The following KIF20B variants were observed in gnomAD, a reference collection of about 807,000 sequenced individuals.
The protein encoded by KIF20B is kinesin-like protein KIF20B.
KIF20B carries 188 observed loss-of-function variants against 232.5 expected under a neutral mutation model. The ratio of observed to expected loss-of-function variants is 0.81; its 90% CI spans 0.72 to 0.91. The LOEUF (loss-of-function observed/expected upper bound fraction) is 0.91. KIF20B is among the 40% of genes least tolerant of loss of function. KIF20B has a pLI of 0.00. For synonymous variants in KIF20B, 712 were observed against 683.0 expected (o/e 1.04, Z -0.66); for missense variants, 2,154 against 2,055.9 (o/e 1.05, Z -0.92).
intron 19 of KIF20B, among the ~76,000 whole-genome samples, chr10:89,734,929 C>G (rs183340527): frequency 2.3e-3 from 348 of 152,228 alleles, no homozygotes; most frequent in African/African-American, 7.9e-3. Flanking sequence ...AAATAATACC[C>G]CAGAACACTA....
rs75405904 is a variant in KIF20B at position 89,771,887 on chromosome 10, A to G, written c.5243-802A>G. 4.7e-4 allele frequency among the ~76,000 whole-genome samples: 71 copies of G among 152,050 alleles called. No homozygotes were observed. In the East Asian group the frequency reaches 0.012, roughly 26 times the overall value. On this transcript the variant is annotated intron_variant, in intron 31 of 32. Transcript: ENST00000371728. ...TTCTCAGGTTTAGTCTCTCGCATAT[A>G]CTGTTGAAATAAGTGGTTAAAAAGC...
At chr10:89,702,506 A>G (rs1240984380) in intron 1 of KIF20B, among the ~76,000 whole-genome samples, 1 of 152,222 alleles carries the variant, frequency 6.6e-6, no homozygotes, top group African/African-American at 2.4e-5. Context: ...CAGATTTTAA[A>G]TTGTAAAAAT....
At chr10:89,772,410 A>G (rs1446717320) in intron 31 of KIF20B, among the ~76,000 whole-genome samples, 1 of 152,076 alleles carries the variant, frequency 6.6e-6, no homozygotes. Flanking sequence ...CAAGTCATTA[A>G]AGATGCCTGA....
At position 89,768,375 on chromosome 10, in the gene KIF20B, TCAAA is replaced by T. The variant is rs1268999003; in HGVS notation, c.5076_5079del (p.Lys1693ArgfsTer23). 1 of 1,574,998 alleles carries T rather than the reference TCAAA, an allele frequency of 6.3e-7. No homozygotes were observed. Among genetic ancestry groups the T allele is most frequent in the South Asian group, 1.2e-5 (1 of 86,658 alleles). On this transcript the variant is annotated frameshift_variant, in exon 30 of 33. Coordinates refer to ENST00000371728, the MANE Select transcript of KIF20B (RefSeq NM_001284259.2). LOFTEE classifies it high-confidence loss of function. ...ATTTCAGATGATAGAAATTCTTCTG[TCAAA>T]AAGGAACAAAAGGTGTGTCTTTTAA...
intron 26 of KIF20B, among the ~76,000 whole-genome samples, chr10:89,755,726 T>G (rs1842107659): frequency 6.6e-6 from 1 of 151,980 alleles, no homozygotes; most frequent in Non-Finnish European, 1.5e-5. Context: ...CCCAAGTAAC[T>G]GGGACTACAG....
intron 15 of KIF20B, among the ~76,000 whole-genome samples, chr10:89,725,766 T>C (rs1021133937): frequency 7.9e-5 from 12 of 152,180 alleles, no homozygotes. Flanking sequence ...ATAAGAAAAA[T>C]TATCCTTTTC....
chr10:89,760,409 A>C (rs574498405), intron 27 of KIF20B, 117 bp from the exon 28 acceptor site: 1 of 645,274 alleles, frequency 1.5e-6, no homozygotes, highest in Non-Finnish European at 2.7e-6. Context: ...GTCTTTACTT[A>C]GTAATTTCCA....
chr10:89,762,034 T>C (rs1407057704), intron 28 of KIF20B, among the ~76,000 whole-genome samples: 1 of 152,168 alleles, frequency 6.6e-6, no homozygotes, highest in Non-Finnish European at 1.5e-5. Context: ...TGGACTTAAT[T>C]TGTGGTCTCT....
chr10:89,765,281 C>T (rs866350360), intron 29 of KIF20B, among the ~76,000 whole-genome samples: 6 of 152,090 alleles, frequency 3.9e-5, no homozygotes, highest in African/African-American at 1.4e-4. Flanking sequence ...AACTCCCATT[C>T]GCAATTGCTT....
At position 89,709,501 on chromosome 10, in the gene KIF20B, A is replaced by G. The variant is rs750093147; in HGVS notation, c.351+40A>G. 5.9e-6 allele frequency: 8 copies of G among 1,358,170 alleles called. 1 individual carries two copies. Among genetic ancestry groups the G allele is most frequent in the Admixed American group, 3.5e-5 (2 of 57,700 alleles). The allele number at this position is 1,358,170 out of a possible 1,614,324, so 84.1% of individuals were successfully genotyped here. On this transcript the variant is annotated intron_variant, in intron 4 of 32. Transcript: ENST00000371728. Reference sequence around the variant, plus strand: ...TTTTTGTTTTTTGTTTTAAAGATAAAGAGACTTGGCTTAGGCTAAATTGCT... The same window carrying G: ...TTTTTGTTTTTTGTTTTAAAGATAAGGAGACTTGGCTTAGGCTAAATTGCT...
Position 89,725,562 on chromosome 10 carries a change from G to A in KIF20B, c.2001+404G>A, listed in dbSNP as rs189960088. On this transcript the variant is annotated intron_variant, in intron 15 of 32. Coordinates refer to ENST00000371728, the MANE Select transcript of KIF20B (RefSeq NM_001284259.2). Reference sequence around the variant, plus strand: ...ATGTATAAAAAGGGTTGCCCTTGCCGGGCAACTACCGTTTCTTACTCTTTT... The same window carrying A: ...ATGTATAAAAAGGGTTGCCCTTGCCAGGCAACTACCGTTTCTTACTCTTTT... Among the ~76,000 whole-genome samples the A allele has an allele frequency of 4.8e-3, 737 of 152,108 alleles. 3 individuals are homozygous for A. Among genetic ancestry groups the A allele is most frequent in the South Asian group, 7.1e-3 (34 of 4,816 alleles).
intron 6 of KIF20B, among the ~76,000 whole-genome samples, chr10:89,713,590 A>G (rs754130556): frequency 9.9e-5 from 15 of 152,140 alleles, no homozygotes; most frequent in Non-Finnish European, 1.8e-4. Context: ...AAATGGGTTT[A>G]TTTCTATTTC....
In KIF20B at chr10:89,727,767, C is replaced by T. The variant is rs370902858; in HGVS notation, c.2231-89C>T. On this transcript the variant is annotated intron_variant, in intron 16 of 32. Coordinates refer to ENST00000371728, the MANE Select transcript of KIF20B (RefSeq NM_001284259.2). Reference sequence around the variant, plus strand: ...TTTATTGAATGTAACAGTAAAGTGTCACTAGAGCAGCATATGTTTCATAGT... The same window carrying T: ...TTTATTGAATGTAACAGTAAAGTGTTACTAGAGCAGCATATGTTTCATAGT... The T allele has an allele frequency of 2.4e-5, 27 of 1,138,498 alleles. 2 individuals are homozygous for T. The African/African-American group carries it at 3.0e-4, about 13-fold the overall frequency. The allele number at this position is 1,138,498 out of a possible 1,614,324, so 70.5% of individuals were successfully genotyped here.
chr10:89,769,889 G>A (rs1369793973), intron 31 of KIF20B, among the ~76,000 whole-genome samples: 1 of 151,926 alleles, frequency 6.6e-6, no homozygotes, highest in Non-Finnish European at 1.5e-5. Flanking sequence ...AGAGTGAGGG[G>A]TATAGGGAAG....
chr10:89,774,041 C>A lies in KIF20B; in HGVS notation c.5456C>A (p.Ala1819Asp). 1.3e-6 allele frequency: 2 copies of A among 1,568,440 alleles called. No homozygotes were observed. The highest frequency in any genetic ancestry group is 1.2e-5 in the South Asian group (1 of 82,592). Reference protein sequence around the residue: ...IIKRRLRTKTAK With the variant: ...IIKRRLRTKTDK ...AAACGACGACTTCGAACAAAAACAGCCAAATAAATCACTTATGGAAATGTT... is the reference window on the plus strand; with the variant it reads ...AAACGACGACTTCGAACAAAAACAGACAAATAAATCACTTATGGAAATGTT... The change falls in exon 33 of 33, where the codon GCC becomes GAC. Residue 1819 changes from alanine (A) to aspartate (D), a missense_variant. Ala to Asp is a moderately radical substitution (Grantham distance 126, BLOSUM62 -2). Coordinates refer to ENST00000371728, the MANE Select transcript of KIF20B (RefSeq NM_001284259.2).
chr10:89,772,778 C>T lies in KIF20B; in HGVS notation c.5332C>T (p.Arg1778Trp), dbSNP rs1009246322. The part of the protein sequence containing the change: ...ENVSQPKRAK[R>W]KLYTSEISSP... The stretch of plus-strand genomic sequence containing the variant: ...TGTGTCTCAACCAAAACGAGCCAAA[C>T]GGAAATTATACACAAGTGAAATTTC... The change falls in exon 32 of 33, where the codon CGG (arginine) becomes TGG (tryptophan). Residue 1778 changes from arginine (R) to tryptophan (W), a missense_variant. Coordinates refer to ENST00000371728, the MANE Select transcript of KIF20B (RefSeq NM_001284259.2). The T allele has an allele frequency of 1.2e-5, 20 of 1,610,286 alleles. No individual in the cohort carries two copies. Among genetic ancestry groups the T allele is most frequent in the Middle Eastern group, 1.7e-4 (1 of 6,048 alleles).
intron 17 of KIF20B, 145 bp downstream of exon 17, chr10:89,728,041 A>AT (rs1236753654): frequency 4.8e-6 from 3 of 620,670 alleles, no homozygotes; most frequent in Non-Finnish European, 7.2e-6. Context: ...TTATTCTGTT[A>AT]TTTTTTCTGT....
chr10:89,726,466 T>C lies in KIF20B; in HGVS notation c.2175T>C (p.Ala725=). 6.2e-7 allele frequency: 1 copy of C among 1,608,252 alleles called. No homozygotes were observed. The highest frequency in any genetic ancestry group is 8.5e-7 in the Non-Finnish European group (1 of 1,176,850). ...TTAATCAAATTAAAGCTGAATTAGC[T>C]AAAACCAAAGGAGAATTAATCAAAA... The part of the protein sequence containing the change: ...LKFNQIKAEL[A]KTKGELIKTK... Residue 725 remains alanine, a synonymous_variant, in exon 16 of 33, where the codon GCT becomes GCC. Coordinates refer to ENST00000371728, the MANE Select transcript of KIF20B (RefSeq NM_001284259.2).
At chr10:89,768,443 G>A (rs1353831389) in intron 30 of KIF20B, 52 bp downstream of exon 30, 1 of 1,088,524 alleles carries the variant, frequency 9.2e-7, no homozygotes. Flanking sequence ...AAATCCAGTT[G>A]TGTTCAATTA....
Sources: gnomAD v4.1 joint callset for allele counts (sites outside exome capture counted in the v4.1 genomes callset) on GRCh38, gnomAD v4.1.1 for gene constraint, MANE v1.5 for transcripts, NCBI Gene and HGNC (gene_info 2026-07-23, HGNC 2026-07-21) for gene names.